ZNF804A: variants seen among roughly 807,000 people sequenced by gnomAD.
ZNF804A encodes the protein zinc finger protein 804A.
In ZNF804A, 2 loss-of-function variants were observed where a neutral mutation model predicts 16.5. That is an observed-to-expected ratio of 0.12 (90% confidence interval 0.05 to 0.38). The LOEUF (loss-of-function observed/expected upper bound fraction) is 0.38. ZNF804A is among the 10% of genes least tolerant of loss of function. The pLI is 0.99. For missense variants in ZNF804A, 1,473 were observed against 1,390.7 expected, an observed-to-expected ratio of 1.06 and a Z score of -0.94; for synonymous variants, 534 against 489.6, an observed-to-expected ratio of 1.09 and a Z score of -1.20.
intron 1 of ZNF804A, among the ~76,000 whole-genome samples, chr2:184,822,093 C>T (rs754470850): frequency 3.9e-5 from 6 of 151,984 alleles, no homozygotes; most frequent in Non-Finnish European, 7.4e-5. Flanking sequence ...AATCATACTT[C>T]GGTAAAGACA....
intron 1 of ZNF804A, among the ~76,000 whole-genome samples, chr2:184,735,963 A>G (rs780195242): frequency 6.6e-6 from 1 of 152,218 alleles, no homozygotes. Context: ...TTATTTTTAT[A>G]TTTCATTGTA....
At chr2:184,826,882 GTCC>G in intron 1 of ZNF804A, among the ~76,000 whole-genome samples, 1 of 152,002 alleles carries the variant, frequency 6.6e-6, no homozygotes, top group Non-Finnish European at 1.5e-5. Context: ...AAACAGTTAA[GTCC>G]CCATTGTCAA....
intron 1 of ZNF804A, among the ~76,000 whole-genome samples, chr2:184,840,815 C>T (rs1017615341): frequency 6.6e-6 from 1 of 152,040 alleles, no homozygotes. Context: ...TCTTAACTTC[C>T]TTCTCTAACC....
At chr2:184,831,921 T>C (rs974301595) in intron 1 of ZNF804A, among the ~76,000 whole-genome samples, 1 of 152,040 alleles carries the variant, frequency 6.6e-6, no homozygotes, top group Non-Finnish European at 1.5e-5. Context: ...AAAAAGTCTT[T>C]CTAAATTTTT....
At chr2:184,686,096 G>A (rs939937895) in intron 1 of ZNF804A, among the ~76,000 whole-genome samples, 6 of 152,230 alleles carry the variant, frequency 3.9e-5, no homozygotes, top group African/African-American at 1.4e-4. Context: ...TGGAGTGGGT[G>A]CTGGGTGTGA....
intron 2 of ZNF804A, among the ~76,000 whole-genome samples, chr2:184,900,132 C>G (rs915345340): frequency 2.0e-5 from 3 of 152,022 alleles, no homozygotes; most frequent in Non-Finnish European, 4.4e-5. Context: ...CCAGTTTAAT[C>G]AGGACATCAG....
chr2:184,809,520 A>C (rs561664735), intron 1 of ZNF804A, among the ~76,000 whole-genome samples: 27 of 152,022 alleles, frequency 1.8e-4, no homozygotes, highest in Admixed American at 9.8e-4. Context: ...TAGTCATTGA[A>C]AAGACACAGT....
chr2:184,865,036 T>G (rs774209992), intron 1 of ZNF804A, among the ~76,000 whole-genome samples: 1 of 151,866 alleles, frequency 6.6e-6, no homozygotes, highest in Non-Finnish European at 1.5e-5. Context: ...CCTGCCACCA[T>G]GCCTGGTTAA....
At chr2:184,806,698 T>C (rs1022232283) in intron 1 of ZNF804A, among the ~76,000 whole-genome samples, 1 of 151,858 alleles carries the variant, frequency 6.6e-6, no homozygotes, top group Non-Finnish European at 1.5e-5. Flanking sequence ...GTGACATACA[T>C]CATCCCTACA....
intron 1 of ZNF804A, among the ~76,000 whole-genome samples, chr2:184,802,063 T>G (rs1453318679): frequency 1.3e-5 from 2 of 152,172 alleles, no homozygotes; most frequent in African/African-American, 4.8e-5. Context: ...ATTGTAGCTC[T>G]TTAAGCTGTA....
At chr2:184,806,653 A>C (rs1247885255) in intron 1 of ZNF804A, among the ~76,000 whole-genome samples, 2 of 151,862 alleles carry the variant, frequency 1.3e-5, no homozygotes, top group Non-Finnish European at 3.0e-5. Flanking sequence ...AGAAAGTGTC[A>C]CTATCATTAA....
At chr2:184,792,014 A>G (rs1694551786) in intron 1 of ZNF804A, among the ~76,000 whole-genome samples, 1 of 152,262 alleles carries the variant, frequency 6.6e-6, no homozygotes, top group South Asian at 2.1e-4. Context: ...ATTTCCTCTT[A>G]GTGCTGATTA....
intron 1 of ZNF804A, among the ~76,000 whole-genome samples, chr2:184,655,738 G>A (rs1692065411): frequency 6.6e-6 from 1 of 151,786 alleles, no homozygotes; most frequent in East Asian, 1.9e-4. Context: ...CAGTATTATT[G>A]AGGGAAGGCC....
At chr2:184,605,621 T>G (rs1691133631) in intron 1 of ZNF804A, among the ~76,000 whole-genome samples, 1 of 152,138 alleles carries the variant, frequency 6.6e-6, no homozygotes, top group Admixed American at 6.5e-5. Flanking sequence ...TATTTACATT[T>G]TACTGGGCAT....
At chr2:184,762,974 C>T (rs564966547) in intron 1 of ZNF804A, among the ~76,000 whole-genome samples, 1 of 152,282 alleles carries the variant, frequency 6.6e-6, no homozygotes, top group African/African-American at 2.4e-5. Flanking sequence ...TTTTAAATCA[C>T]AAATGTTATT....
chr2:184,865,336 G>A (rs1241618247), intron 1 of ZNF804A, among the ~76,000 whole-genome samples: 1 of 151,770 alleles, frequency 6.6e-6, no homozygotes, highest in East Asian at 2.0e-4. Context: ...TGAAAGAATT[G>A]GACAGTGTTT....
intron 1 of ZNF804A, among the ~76,000 whole-genome samples, chr2:184,626,728 A>G (rs1574137259): frequency 6.6e-6 from 1 of 152,188 alleles, no homozygotes; most frequent in East Asian, 1.9e-4. Flanking sequence ...TAAGTACACA[A>G]TTGTATAATT....
At chr2:184,917,670 G>T (rs1326343523) in intron 2 of ZNF804A, among the ~76,000 whole-genome samples, 1 of 150,794 alleles carries the variant, frequency 6.6e-6, no homozygotes, top group Non-Finnish European at 1.5e-5. Context: ...AACTATCATA[G>T]GTGTGTGTGT....
chr2:184,754,231 A>G (rs1693920995), intron 1 of ZNF804A, among the ~76,000 whole-genome samples: 1 of 151,862 alleles, frequency 6.6e-6, no homozygotes, highest in African/African-American at 2.4e-5. Flanking sequence ...CTATTGACAG[A>G]TATTGTGCAG....
Sources: gnomAD v4.1 joint callset for allele counts (sites outside exome capture counted in the v4.1 genomes callset) on GRCh38, gnomAD v4.1.1 for gene constraint, MANE v1.5 for transcripts, NCBI Gene and HGNC (gene_info 2026-07-23, HGNC 2026-07-21) for gene names.